Variants in TECPR2 observed in about 807,000 individuals in gnomAD.
TECPR2 encodes the protein tectonin beta-propeller repeat-containing protein 2.
Under a neutral mutation model 138.1 loss-of-function variants are expected in TECPR2, and 65 were observed. That is an observed-to-expected ratio of 0.47 (90% CI 0.39 to 0.58). The LOEUF (loss-of-function observed/expected upper bound fraction) is 0.58. TECPR2 is among the 20% of genes least tolerant of loss of function. The pLI, the probability that TECPR2 is intolerant of heterozygous loss-of-function variation, is 0.00. For synonymous variants in TECPR2, 746 were observed against 749.8 expected (o/e 0.99, Z 0.08); for missense variants, 1,553 against 1,824.5 (o/e 0.85, Z 2.71).
chr14:102,497,840 T>A, intron 19 of TECPR2, 121 bp downstream of exon 19: 1 of 1,329,032 alleles, frequency 7.5e-7, no homozygotes, highest in Non-Finnish European at 1.0e-6. Context: ...AAGCAAGAAC[T>A]GAGGGCAAAG....
chr14:102,412,348 G>A (rs1357417529), intron 4 of TECPR2, among the ~76,000 whole-genome samples: 1 of 152,002 alleles, frequency 6.6e-6, no homozygotes, highest in Non-Finnish European at 1.5e-5. Context: ...GCACAGGCTG[G>A]TCTTGAACAT....
chr14:102,372,862 G>C (rs1014859650), intron 1 of TECPR2, among the ~76,000 whole-genome samples: 24 of 152,112 alleles, frequency 1.6e-4, no homozygotes, highest in African/African-American at 5.3e-4. Context: ...GGAGGTTGCA[G>C]TGAGCCAAGA....
chr14:102,399,656 C>T (rs1009223493), intron 2 of TECPR2, among the ~76,000 whole-genome samples: 1 of 151,958 alleles, frequency 6.6e-6, no homozygotes, highest in Non-Finnish European at 1.5e-5. Context: ...TGGTGAAACC[C>T]CATCTCTACT....
chr14:102,436,432 GC>G (rs1889674746), intron 9 of TECPR2, among the ~76,000 whole-genome samples: 1 of 150,810 alleles, frequency 6.6e-6, no homozygotes, highest in African/African-American at 2.4e-5. Flanking sequence ...TGATCCACCT[GC>G]CTCAGCTTCC....
chr14:102,484,649 C>A (rs903048060), intron 17 of TECPR2, among the ~76,000 whole-genome samples: 3 of 152,114 alleles, frequency 2.0e-5, no homozygotes, highest in Non-Finnish European at 4.4e-5. Flanking sequence ...TTCTCTCTGT[C>A]CTTAGGAGAT....
intron 9 of TECPR2, among the ~76,000 whole-genome samples, chr14:102,436,452 T>G (rs1889675181): frequency 6.6e-6 from 1 of 152,062 alleles, no homozygotes; most frequent in African/African-American, 2.4e-5. Context: ...CCTGAGTCAC[T>G]GGGACTACAG....
chr14:102,414,519 A>T, intron 4 of TECPR2, 117 bp from the exon 5 acceptor site: 2 of 1,250,766 alleles, frequency 1.6e-6, no homozygotes, highest in Non-Finnish European at 2.2e-6. Context: ...AGCATGCGTT[A>T]AGTAAGGTGC....
At chr14:102,449,093 C>G (rs1388459908) in intron 13 of TECPR2, among the ~76,000 whole-genome samples, 2 of 152,142 alleles carry the variant, frequency 1.3e-5, no homozygotes, top group Non-Finnish European at 2.9e-5. Context: ...GGAGACCTGT[C>G]TCTACAAAAA....
In TECPR2 at chr14:102,452,653, G is replaced by A. The variant is rs1234809537; in HGVS notation, c.3640+26G>A. On this transcript the variant is annotated intron_variant, in intron 16 of 19. Transcript: ENST00000359520. ...GTACGGCCACCTCGTGAGTACACCTGCCGGTGCCCTGACTGCCCTAAACCG... is the reference window on the plus strand; with the variant it reads ...GTACGGCCACCTCGTGAGTACACCTACCGGTGCCCTGACTGCCCTAAACCG... 4 of 1,536,280 alleles carry A rather than the reference G, an allele frequency of 2.6e-6. No individual in the cohort carries two copies. The East Asian group carries it at 7.2e-5, about 28-fold the overall frequency.
intron 12 of TECPR2, 24 bp from the exon 13 acceptor site, chr14:102,445,782 C>T (rs761048344): frequency 6.2e-7 from 1 of 1,611,762 alleles, no homozygotes; most frequent in Non-Finnish European, 8.5e-7. Flanking sequence ...GTGCTGACCC[C>T]CCTGTTCTCC....
intron 4 of TECPR2, among the ~76,000 whole-genome samples, chr14:102,413,932 G>A (rs1216968452): frequency 1.3e-5 from 2 of 151,478 alleles, no homozygotes; most frequent in Non-Finnish European, 2.9e-5. Flanking sequence ...CAAGTAGCGG[G>A]GACCATAGGC....
At position 102,413,929 on chromosome 14, in the gene TECPR2, C is replaced by T. The variant is rs540376992; in HGVS notation, c.481-707C>T. ...CCTTCTGTCTCAGCCTCCCAAGTAG[C>T]GGGGACCATAGGCACGTGCCAACAT... is the stretch of plus-strand genomic sequence containing the variant. On this transcript the variant is annotated intron_variant, in intron 4 of 19. Coordinates refer to ENST00000359520, the MANE Select transcript of TECPR2 (RefSeq NM_014844.5). Among the ~76,000 whole-genome samples the T allele has an allele frequency of 2.0e-4, 31 of 151,716 alleles. No homozygotes were observed. The South Asian group carries it at 5.6e-3, about 28-fold the overall frequency.
chr14:102,457,869 CTTTT>C (rs748372168), intron 16 of TECPR2, among the ~76,000 whole-genome samples: 3 of 102,772 alleles, frequency 2.9e-5, no homozygotes, highest in South Asian at 3.3e-4. Flanking sequence ...ACTAAATTCC[CTTTT>C]TTTTTTTTTT....
chr14:102,394,924 C>T (rs752171937), intron 2 of TECPR2, among the ~76,000 whole-genome samples: 1 of 152,148 alleles, frequency 6.6e-6, no homozygotes, highest in African/African-American at 2.4e-5. Context: ...ACACTCCCAG[C>T]GGCTTCCTGA....
intron 8 of TECPR2, 111 bp from the exon 9 acceptor site, chr14:102,434,124 A>G: frequency 9.9e-7 from 1 of 1,008,912 alleles, no homozygotes; most frequent in Non-Finnish European, 1.3e-6. Flanking sequence ...CATTCACCAA[A>G]TATCCTTTAT....
At chr14:102,372,902 G>A (rs140721805) in intron 1 of TECPR2, among the ~76,000 whole-genome samples, 42 of 151,972 alleles carry the variant, frequency 2.8e-4, no homozygotes, top group African/African-American at 8.0e-4. Context: ...CATGGGCGAC[G>A]GAGCAAGTCT....
chr14:102,390,116 A>G (rs1358447040), intron 2 of TECPR2, among the ~76,000 whole-genome samples: 2 of 152,236 alleles, frequency 1.3e-5, no homozygotes, highest in African/African-American at 4.8e-5. Context: ...CAGCTCATAA[A>G]GAAAGCTTTG....
intron 5 of TECPR2, among the ~76,000 whole-genome samples, chr14:102,416,511 G>T (rs757091079): frequency 3.3e-5 from 5 of 152,168 alleles, no homozygotes; most frequent in Non-Finnish European, 5.9e-5. Context: ...TGGAATTTAT[G>T]GCCCTGCAGA....
intron 19 of TECPR2, 67 bp from the exon 20 acceptor site, chr14:102,498,036 G>GCTCCATCTGTGCCCAAGCTCCCAT: frequency 6.4e-7 from 1 of 1,571,194 alleles, no homozygotes; most frequent in Non-Finnish European, 8.6e-7. Flanking sequence ...CAAGCTCCCA[G>GCTCCATCTGTGCCCAAGCTCCCAT]CTCCATCTGT....
Sources: gnomAD v4.1 joint callset for allele counts (sites outside exome capture counted in the v4.1 genomes callset) on GRCh38, gnomAD v4.1.1 for gene constraint, MANE v1.5 for transcripts, NCBI Gene and HGNC (gene_info 2026-07-23, HGNC 2026-07-21) for gene names.